The following RGS7 variants were observed in gnomAD, a reference collection of about 807,000 sequenced individuals.
RGS7 encodes the protein regulator of G protein signaling 7, also known as regulator of G-protein signaling 7.
Under a neutral mutation model 81.1 loss-of-function variants are expected in RGS7, and 27 were observed. The ratio of observed to expected loss-of-function variants is 0.33; its 90% CI spans 0.25 to 0.46. The LOEUF (loss-of-function observed/expected upper bound fraction) is 0.46, where lower values mean the gene tolerates loss of function less well. Among genes scored for constraint, RGS7 ranks in the 20% least tolerant of loss-of-function variants. RGS7 has a pLI of 1.00. For missense variants in RGS7, 396 were observed against 607.4 expected (o/e 0.65, Z 3.66); for synonymous variants, 208 against 207.7 (o/e 1.00, Z -0.01).
At chr1:240,992,639 T>C (rs1572158580) in intron 3 of RGS7, among the ~76,000 whole-genome samples, 1 of 151,886 alleles carries the variant, frequency 6.6e-6, no homozygotes, top group African/African-American at 2.4e-5. Context: ...TTGAAAAGAG[T>C]GAATCTTTTT....
chr1:241,089,387 T>C (rs924615770), intron 3 of RGS7, among the ~76,000 whole-genome samples: 4 of 151,612 alleles, frequency 2.6e-5, no homozygotes, highest in African/African-American at 4.9e-5. Context: ...GTAAAGGCAA[T>C]TGAGAAACAG....
At chr1:241,348,328 T>C (rs2083034679) in intron 2 of RGS7, among the ~76,000 whole-genome samples, 1 of 152,046 alleles carries the variant, frequency 6.6e-6, no homozygotes, top group Non-Finnish European at 1.5e-5. Context: ...AAGTTCCCAA[T>C]CTTATCGTTC....
chr1:240,924,575 A>G (rs1471994684), intron 6 of RGS7, among the ~76,000 whole-genome samples: 1 of 152,206 alleles, frequency 6.6e-6, no homozygotes, highest in Non-Finnish European at 1.5e-5. Context: ...TATCTCTCCC[A>G]CACACATCTC....
chr1:241,209,352 C>G (rs1055897977), intron 2 of RGS7, among the ~76,000 whole-genome samples: 4 of 151,990 alleles, frequency 2.6e-5, no homozygotes, highest in Non-Finnish European at 4.4e-5. Context: ...TTTAACAAAC[C>G]GCGAGCTTAC....
intron 6 of RGS7, among the ~76,000 whole-genome samples, chr1:240,901,735 T>G (rs1466702482): frequency 1.3e-5 from 2 of 152,192 alleles, no homozygotes; most frequent in Non-Finnish European, 2.9e-5. Context: ...CCTCACTACG[T>G]ATGGTCTCCA....
intron 4 of RGS7, among the ~76,000 whole-genome samples, chr1:240,960,546 CTTTTTTTT>C (rs5782170): frequency 4.4e-5 from 5 of 113,722 alleles, no homozygotes; most frequent in Non-Finnish European, 7.2e-5. Flanking sequence ...CTGGGCTGTT[CTTTTTTTT>C]TTTTTTTTTT....
intron 2 of RGS7, among the ~76,000 whole-genome samples, chr1:241,189,567 C>T (rs185848949): frequency 1.4e-4 from 21 of 152,226 alleles, no homozygotes; most frequent in African/African-American, 4.6e-4. Flanking sequence ...ATCATGCTTT[C>T]GGTATCAAGT....
chr1:240,842,199 A>ATTTGTTTTTTTTTTTTTTTTT (rs1658153224), intron 9 of RGS7, among the ~76,000 whole-genome samples: 1 of 78,676 alleles, frequency 1.3e-5, no homozygotes, highest in Non-Finnish European at 2.5e-5. Context: ...TTTGTCAGGA[A>ATTTGTTTTTTTTTTTTTTTTT]TTTTTTTTTT....
At chr1:241,015,578 C>T (rs2059177453) in intron 3 of RGS7, among the ~76,000 whole-genome samples, 1 of 152,144 alleles carries the variant, frequency 6.6e-6, no homozygotes, top group Non-Finnish European at 1.5e-5. Flanking sequence ...CAGTCTTGTG[C>T]ATTTTAGAGT....
rs1484381581 is a variant in RGS7, at chr1:240,980,068, AT to A, written c.226+3010del. On this transcript the variant is annotated intron_variant, in intron 4 of 18. Coordinates refer to ENST00000440928, the MANE Select transcript of RGS7 (RefSeq NM_001364886.1). ...TATACATATATGTAAACTAAAAAAA[AT>A]CCAAAATTTTAACAAAAAGTTCAAA... is the stretch of plus-strand genomic sequence containing the variant. Among the ~76,000 whole-genome samples, 3 of 152,244 alleles carry A rather than the reference AT, an allele frequency of 2.0e-5. No homozygotes were observed. In the East Asian group the frequency reaches 5.8e-4, roughly 29 times the overall value.
At chr1:240,897,193 G>A (rs1247647488) in intron 6 of RGS7, among the ~76,000 whole-genome samples, 1 of 152,114 alleles carries the variant, frequency 6.6e-6, no homozygotes. Context: ...GAGATGATGG[G>A]GTTTTCTAAA....
chr1:241,208,046 C>G (rs1287013553), intron 2 of RGS7, among the ~76,000 whole-genome samples: 1 of 152,056 alleles, frequency 6.6e-6, no homozygotes, highest in Non-Finnish European at 1.5e-5. Flanking sequence ...GCTGGGAATA[C>G]AGGCGCCCGC....
intron 18 of RGS7, among the ~76,000 whole-genome samples, chr1:240,776,570 T>G (rs1682980959): frequency 6.6e-6 from 1 of 152,232 alleles, no homozygotes; most frequent in African/African-American, 2.4e-5. Flanking sequence ...CCCAACTGAT[T>G]ATAAACATGT....
intron 2 of RGS7, among the ~76,000 whole-genome samples, chr1:241,193,811 G>A (rs1489241362): frequency 6.6e-6 from 1 of 152,172 alleles, no homozygotes; most frequent in Non-Finnish European, 1.5e-5. Flanking sequence ...GATTCCCTCT[G>A]CCACAAAATA....
rs1418980777 is a variant in RGS7 at position 240,786,745 on chromosome 1, G to A, written c.*7-10532C>T. 5.3e-5 allele frequency among the ~76,000 whole-genome samples: 8 copies of A among 151,792 alleles called. 1 individual carries two copies. Among genetic ancestry groups the A allele is most frequent in the Admixed American group, 4.6e-4 (7 of 15,230 alleles). On this transcript the variant is annotated intron_variant, in intron 18 of 18. Transcript: ENST00000440928. ...TTTTTTAAAAAATGTGTCAAATATGGGTATCATTAAAAGAAACAAAAGCCA... is the reference window on the plus strand; with the variant it reads ...TTTTTTAAAAAATGTGTCAAATATGAGTATCATTAAAAGAAACAAAAGCCA...
chr1:241,205,420 C>T (rs2073814515), intron 2 of RGS7, among the ~76,000 whole-genome samples: 1 of 151,550 alleles, frequency 6.6e-6, no homozygotes, highest in African/African-American at 2.4e-5. Flanking sequence ...TATTCATAAA[C>T]CAATTAGCTA....
chr1:241,045,295 C>A (rs369646117), intron 3 of RGS7, among the ~76,000 whole-genome samples: 1 of 152,046 alleles, frequency 6.6e-6, no homozygotes, highest in African/African-American at 2.4e-5. Flanking sequence ...CTTTGGCTAC[C>A]TTCTCTTTTG....
intron 5 of RGS7, among the ~76,000 whole-genome samples, chr1:240,933,547 T>C (rs1676066060): frequency 6.6e-6 from 1 of 151,500 alleles, no homozygotes; most frequent in South Asian, 2.1e-4. Flanking sequence ...TGATCTGTAG[T>C]AAACGATAAT....
rs149114856 is a variant in RGS7, at chr1:241,341,298, G to A, written c.78+14401C>T. 5.4e-3 allele frequency among the ~76,000 whole-genome samples: 816 copies of A among 152,126 alleles called. 6 individuals are homozygous for A. The highest frequency in any genetic ancestry group is 0.018 in the African/African-American group (759 of 41,472). ...TGAGTCCCAGGTCTGCAACTTACTCGGTGTGTTGTGGAAAAGTCACTTAGC... is the reference window on the plus strand; with the variant it reads ...TGAGTCCCAGGTCTGCAACTTACTCAGTGTGTTGTGGAAAAGTCACTTAGC... On this transcript the variant is annotated intron_variant, in intron 2 of 18. Transcript: ENST00000440928.
Sources: gnomAD v4.1 joint callset for allele counts (sites outside exome capture counted in the v4.1 genomes callset) on GRCh38, gnomAD v4.1.1 for gene constraint, MANE v1.5 for transcripts, NCBI Gene and HGNC (gene_info 2026-07-23, HGNC 2026-07-21) for gene names.